Variants in TTN observed in about 807,000 individuals in gnomAD.
The protein encoded by TTN is connectin.
Under a neutral mutation model 3,223.0 loss-of-function variants are expected in TTN, and 1,525 were observed. That is an observed-to-expected ratio of 0.47 (90% CI 0.45 to 0.49). TTN has a LOEUF of 0.49. Among genes scored for constraint, TTN ranks in the 20% least tolerant of loss-of-function variants. The pLI, the probability that TTN is intolerant of heterozygous loss-of-function variation, is 0.00. For synonymous variants in TTN, 14,094 were observed against 15,161.0 expected (o/e 0.93, Z 5.17); for missense variants, 40,786 against 43,424.0 (o/e 0.94, Z 5.40).
Position 178,717,731 on chromosome 2 carries a change from G to A in TTN, c.25143C>T (p.Cys8381=). 1 of 1,613,164 alleles carries A rather than the reference G, an allele frequency of 6.2e-7. No individual in the cohort carries two copies. Among genetic ancestry groups the A allele is most frequent in the Middle Eastern group, 1.7e-4 (1 of 6,054 alleles). ...GAAGAGGTTCTGAGCCATTGATGCG[G>A]CATTCAAATGCAACTGGGAAGCCTA... The part of the protein sequence containing the change: ...ETLGFPVAFE[C]RINGSEPLQV... Residue 8381 remains cysteine (C), a synonymous_variant, in exon 87 of 363, where the codon TGC becomes TGT. Transcript: ENST00000589042.
At position 178,564,476 on chromosome 2, in the gene TTN, T is replaced by G; in HGVS notation, c.81656A>C (p.Lys27219Thr). 1 of 1,612,166 alleles carries G rather than the reference T, an allele frequency of 6.2e-7. No individual in the cohort carries two copies. Among genetic ancestry groups the G allele is most frequent in the Non-Finnish European group, 8.5e-7 (1 of 1,178,954 alleles). ...TTCTAATACGTTGGTAAAGCTGGCTTTCATCCAGCGGCCATCAGGTAGATC... is the reference window on the plus strand; with the variant it reads ...TTCTAATACGTTGGTAAAGCTGGCTGTCATCCAGCGGCCATCAGGTAGATC... ...KKDLPDGRWMKASFTNVLETE... is the reference protein window; with the variant it reads ...KKDLPDGRWMTASFTNVLETE... The change falls in exon 326 of 363, where the codon AAA (lysine) becomes ACA (threonine). Residue 27219 changes from lysine to threonine, a missense_variant. Physicochemically the swap from Lys to Thr is moderately conservative, Grantham distance 78 (BLOSUM62 -1). Transcript: ENST00000589042.
In TTN at chr2:178,614,978, A is replaced by G; in HGVS notation, c.48639-10T>C. On this transcript the variant is annotated splice_polypyrimidine_tract_variant and intron_variant, in intron 259 of 362. Transcript: ENST00000589042. ...ACCTGTCACTTCCATTCTGTCAGAA[A>G]ACAGAATAGGATGTTTTACTGTGAT... is the stretch of plus-strand genomic sequence containing the variant. The G allele has an allele frequency of 6.3e-7, 1 of 1,586,110 alleles. No homozygotes were observed. The highest frequency in any genetic ancestry group is 8.6e-7 in the Non-Finnish European group (1 of 1,161,662).
At chr2:178,749,691 A>G in intron 47 of TTN, 1 of 1,613,016 alleles carries the variant, frequency 6.2e-7, no homozygotes, top group Non-Finnish European at 8.5e-7. Flanking sequence ...ACTGCCCCTG[A>G]ATTGTTTTCA....
Position 178,592,432 on chromosome 2 carries a change from G to T in TTN, c.59573C>A (p.Thr19858Lys). 1 of 1,613,438 alleles carries T rather than the reference G, an allele frequency of 6.2e-7. No individual in the cohort carries two copies. The change falls in exon 301 of 363, where the codon ACA becomes AAA. Residue 19858 changes from threonine to lysine, a missense_variant. Coordinates refer to ENST00000589042, the MANE Select transcript of TTN (RefSeq NM_001267550.2). ...TTTTGAACCAGCTGGATTCTCCACT[G>T]TTAAAGAATAAATTCCACCATCTTC... is the stretch of plus-strand genomic sequence containing the variant. ...AHEDGGIYSL[T>K]VENPAGSKTV...
intron 41 of TTN, 59 bp from the exon 42 acceptor site, chr2:178,764,870 C>T (rs1048668393): frequency 3.8e-6 from 6 of 1,592,728 alleles, no homozygotes; most frequent in Admixed American, 1.7e-5. Flanking sequence ...AGAGAGCATG[C>T]AAAACTCTAC....
intron 78 of TTN, among the ~76,000 whole-genome samples, chr2:178,721,624 T>G (rs1259771003): frequency 6.6e-6 from 1 of 152,110 alleles, no homozygotes; most frequent in Non-Finnish European, 1.5e-5. Flanking sequence ...AAATTTCAAT[T>G]AAACAATACT....
chr2:178,624,555 G>A lies in TTN; in HGVS notation c.44725C>T (p.Leu14909Phe). The A allele has an allele frequency of 6.2e-7, 1 of 1,612,738 alleles. No homozygotes were observed. The highest frequency in any genetic ancestry group is 1.1e-5 in the South Asian group (1 of 91,046). The change falls in exon 242 of 363, where the codon CTT becomes TTT. Residue 14909 changes from leucine (L) to phenylalanine (F), a missense_variant. Physicochemically the swap from Leu to Phe is conservative, Grantham distance 22. Coordinates refer to ENST00000589042, the MANE Select transcript of TTN (RefSeq NM_001267550.2). ...EIVADGRVRK[L>F]VIHDCTPEDI... Reference sequence around the variant, plus strand: ...TCTGGGGTACAGTCATGTATAACAAGTTTTCTGACCCTGCCATCAGCAACA... The same window carrying A: ...TCTGGGGTACAGTCATGTATAACAAATTTTCTGACCCTGCCATCAGCAACA...
chr2:178,756,322 G>A lies in TTN; in HGVS notation c.11154C>T (p.Thr3718=), dbSNP rs780358198. The A allele has an allele frequency of 3.1e-6, 5 of 1,613,704 alleles. No individual in the cohort carries two copies. In the African/African-American group the frequency reaches 6.7e-5, roughly 22 times the overall value. ...QSQNGNIQFL[T]ICNVQLVDQG... Reference sequence around the variant, plus strand: ...GGTCTACCAGCTGAACATTACATATGGTAAGAAACTGAATATTTCCATTTT... The same window carrying A: ...GGTCTACCAGCTGAACATTACATATAGTAAGAAACTGAATATTTCCATTTT... The change falls in exon 46 of 363, where the codon ACC becomes ACT. Residue 3718 remains threonine (T), a synonymous_variant. Transcript: ENST00000589042.
In TTN at chr2:178,771,465, G is replaced by A. The variant is rs753441258; in HGVS notation, c.7862C>T (p.Ala2621Val). The A allele has an allele frequency of 8.7e-6, 14 of 1,613,722 alleles. No individual in the cohort carries two copies. Among genetic ancestry groups the A allele is most frequent in the Admixed American group, 1.7e-5 (1 of 59,980 alleles). ...CTGATCTGTGAGTGGCTTGGAGATG[G>A]CCCCACCTTTGGAACAAGAGATGTA... ...TSGKLTVAGG[A>V]ISKPLTDQTV... Residue 2621 changes from alanine (A) to valine (V), a missense_variant, in exon 34 of 363, where the codon GCC becomes GTC. Ala to Val is a moderately conservative substitution (Grantham distance 64, BLOSUM62 0). Transcript: ENST00000589042.
In TTN at chr2:178,591,881, G is replaced by C; in HGVS notation, c.59938C>G (p.Pro19980Ala). 6.2e-7 allele frequency: 1 copy of C among 1,608,258 alleles called. No individual in the cohort carries two copies. Among genetic ancestry groups the C allele is most frequent in the Non-Finnish European group, 8.5e-7 (1 of 1,178,358 alleles). The change falls in exon 303 of 363, where the codon CCA (proline) becomes GCA (alanine). Residue 19980 changes from proline to alanine, a missense_variant. By Grantham distance (27) the Pro-to-Ala change is conservative. Coordinates refer to ENST00000589042, the MANE Select transcript of TTN (RefSeq NM_001267550.2). ...KALDPLHPPG[P>A]PKDLHHVDVD... is the part of the protein sequence containing the mutation. The stretch of plus-strand genomic sequence containing the variant: ...TCTACATGGTGCAGGTCCTTGGGTG[G>C]CCCTGGGGGATCTTTTCAAAGAAGA...
At position 178,582,516 on chromosome 2, in the gene TTN, A is replaced by C; in HGVS notation, c.65940T>G (p.Pro21980=). ...SDRAMLSWEP[P]LEDGGSEITN... is the part of the protein sequence containing the mutation. ...TGATTTCTGAGCCTCCATCTTCAAG[A>C]GGCGGTTCCCAAGAAAGCATAGCAC... Residue 21980 remains proline (P), a synonymous_variant, in exon 314 of 363, where the codon CCT becomes CCG. Coordinates refer to ENST00000589042, the MANE Select transcript of TTN (RefSeq NM_001267550.2). The C allele has an allele frequency of 6.2e-7, 1 of 1,612,986 alleles. No individual in the cohort carries two copies. The highest frequency in any genetic ancestry group is 8.5e-7 in the Non-Finnish European group (1 of 1,179,330).
rs2055534842 is a variant in TTN at position 178,608,729 on chromosome 2, A to C, written c.52282T>G (p.Cys17428Gly). 2 of 1,612,604 alleles carry C rather than the reference A, an allele frequency of 1.2e-6. No individual in the cohort carries two copies. The highest frequency in any genetic ancestry group is 4.5e-5 in the East Asian group (2 of 44,578). ...WIVVTSTLRH[C>G]KYSVTKLIEG... ...ATCAGTTTTGTTACTGAATATTTGC[A>C]ATGTCTAAGTGTTGAAGTGACAACA... The change falls in exon 274 of 363, where the codon TGC becomes GGC. Residue 17428 changes from cysteine to glycine, a missense_variant. By Grantham distance (159) the Cys-to-Gly change is radical. Coordinates refer to ENST00000589042, the MANE Select transcript of TTN (RefSeq NM_001267550.2).
At chr2:178,700,362 C>T (rs2074741455) in intron 111 of TTN, among the ~76,000 whole-genome samples, 1 of 152,206 alleles carries the variant, frequency 6.6e-6, no homozygotes. Flanking sequence ...TGTTAAGGGC[C>T]TACCATTTCC....
chr2:178,679,878 A>C lies in TTN; in HGVS notation c.33580+16T>G. ...AAGATGCTGTTGCACAGCCCTTTGC[A>C]GGAGGCATCATCTACCTTTGACTGG... On this transcript the variant is annotated intron_variant, in intron 140 of 362. Transcript: ENST00000589042. 3 of 1,612,224 alleles carry C rather than the reference A, an allele frequency of 1.9e-6. No individual in the cohort carries two copies. The highest frequency in any genetic ancestry group is 2.5e-6 in the Non-Finnish European group (3 of 1,179,242).
intron 208 of TTN, 110 bp downstream of exon 208, chr2:178,651,133 A>T (rs1437935464): frequency 2.3e-6 from 2 of 864,662 alleles, no homozygotes; most frequent in Non-Finnish European, 3.6e-6. Flanking sequence ...CCAGAATGAC[A>T]GTTTTGTAGT....
rs1211271683 is a variant in TTN at position 178,557,971 on chromosome 2, G to A, written c.87383C>T (p.Ala29128Val). The part of the protein sequence containing the change: ...TAANSSGTTK[A>V]FINIVVLDRP... ...GTCTAGCACAACAATGTTAATGAAA[G>A]CTTTGGTTGTACCACTGGAGTTGGC... is the stretch of plus-strand genomic sequence containing the variant. The change falls in exon 328 of 363, where the codon GCT (alanine) becomes GTT (valine). Residue 29128 changes from alanine (A) to valine (V), a missense_variant. Transcript: ENST00000589042. The A allele has an allele frequency of 2.5e-6, 4 of 1,613,316 alleles. No individual in the cohort carries two copies. Among genetic ancestry groups the A allele is most frequent in the African/African-American group, 1.3e-5 (1 of 74,936 alleles).
At chr2:178,794,349 G>GA in intron 8 of TTN, 50 bp downstream of exon 8, 1 of 1,611,736 alleles carries the variant, frequency 6.2e-7, no homozygotes, top group South Asian at 1.1e-5. Flanking sequence ...GAGTTAATGT[G>GA]CACTGAAGGA....
In TTN at chr2:178,693,601, A is replaced by G. The variant is rs772125136; in HGVS notation, c.31594+8T>C. The G allele has an allele frequency of 5.2e-6, 8 of 1,552,458 alleles. No individual in the cohort carries two copies. The stretch of plus-strand genomic sequence containing the variant: ...AAAGAGTTTAAACTTAGAATGAATT[A>G]CTAATACCTTTAGGTGGTGGTTCAA... On this transcript the variant is annotated splice_region_variant and intron_variant, in intron 119 of 362. Coordinates refer to ENST00000589042, the MANE Select transcript of TTN (RefSeq NM_001267550.2).
chr2:178,689,655 T>C (rs2071820097), intron 122 of TTN, 60 bp from the exon 123 acceptor site: 1 of 1,516,894 alleles, frequency 6.6e-7, no homozygotes, highest in Admixed American at 2.2e-5. Context: ...GCACAGTTAT[T>C]TTTTTTAAGA....
Sources: allele counts gnomAD v4.1 joint callset (sites outside exome capture counted in the v4.1 genomes callset), GRCh38; gene constraint gnomAD v4.1.1; transcripts MANE v1.5; gene names NCBI Gene and HGNC (gene_info 2026-07-23, HGNC 2026-07-21).